UBE3D: variants seen among roughly 807,000 people sequenced by gnomAD.
UBE3D encodes the protein E3 ubiquitin-protein ligase E3D.
A neutral mutation model predicts 49.6 loss-of-function variants in UBE3D; 48 were observed. That is an observed-to-expected ratio of 0.97 (90% confidence interval 0.77 to 1.23). The LOEUF (loss-of-function observed/expected upper bound fraction) is 1.23. UBE3D is among the 50% of genes most tolerant of loss of function. The pLI is 0.00. For synonymous variants in UBE3D, 189 were observed against 174.2 expected (o/e 1.08, Z -0.67); for missense variants, 452 against 468.4 (o/e 0.96, Z 0.32).
intron 9 of UBE3D, among the ~76,000 whole-genome samples, chr6:82,944,793 G>A (rs896942042): frequency 2.0e-5 from 3 of 152,174 alleles, no homozygotes; most frequent in South Asian, 4.1e-4. Flanking sequence ...AAGTGCCCTT[G>A]GGCCTCATGT....
intron 8 of UBE3D, among the ~76,000 whole-genome samples, chr6:82,980,982 A>G (rs1425758500): frequency 2.0e-5 from 3 of 152,016 alleles, no homozygotes; most frequent in East Asian, 3.9e-4. Context: ...GAGTTTCCTT[A>G]CTATTCCTGT....
In UBE3D at chr6:82,935,887, C is replaced by T. The variant is rs572259455; in HGVS notation, c.1149+21425G>A. 2.6e-5 allele frequency among the ~76,000 whole-genome samples: 4 copies of T among 151,358 alleles called. No individual in the cohort carries two copies. The South Asian group carries it at 8.3e-4, about 32-fold the overall frequency. On this transcript the variant is annotated intron_variant, in intron 9 of 9. Coordinates refer to ENST00000369747, the MANE Select transcript of UBE3D (RefSeq NM_198920.3). ...ACTAAGAGAGTTTCCCATTCACAAACTATCAGTGACAGGAATACTACAGGA... is the reference window on the plus strand; with the variant it reads ...ACTAAGAGAGTTTCCCATTCACAAATTATCAGTGACAGGAATACTACAGGA...
chr6:82,964,585 C>T (rs1460841921), intron 8 of UBE3D, among the ~76,000 whole-genome samples: 1 of 152,112 alleles, frequency 6.6e-6, no homozygotes, highest in Non-Finnish European at 1.5e-5. Flanking sequence ...GTTGCTTATA[C>T]CTGTAAATTT....
At chr6:82,997,839 C>T (rs1422029393) in intron 8 of UBE3D, among the ~76,000 whole-genome samples, 1 of 152,184 alleles carries the variant, frequency 6.6e-6, no homozygotes, top group East Asian at 1.9e-4. Context: ...AACCTGGTTA[C>T]AGTGGTTATA....
chr6:83,018,093 G>C (rs1474224922), intron 8 of UBE3D: 1 of 152,026 alleles, frequency 6.6e-6, no homozygotes. Context: ...TTTATGACTG[G>C]TACTACTTGC....
At chr6:82,948,868 C>A (rs1335254920) in intron 9 of UBE3D, among the ~76,000 whole-genome samples, 1 of 147,386 alleles carries the variant, frequency 6.8e-6, no homozygotes, top group Admixed American at 6.7e-5. Flanking sequence ...AAGGAACATA[C>A]CTCAACACAA....
At chr6:83,031,472 T>C (rs1170011211) in intron 5 of UBE3D, among the ~76,000 whole-genome samples, 1 of 152,196 alleles carries the variant, frequency 6.6e-6, no homozygotes, top group Non-Finnish European at 1.5e-5. Flanking sequence ...ATGTGAAACA[T>C]GAAGTCAAAG....
rs535512679 is a variant in UBE3D, at chr6:82,949,945, T to C, written c.1149+7367A>G. On this transcript the variant is annotated intron_variant, in intron 9 of 9. Coordinates refer to ENST00000369747, the MANE Select transcript of UBE3D (RefSeq NM_198920.3). ...AACATTGGGGAAACTCTCTAGGACA[T>C]TGAATTGGGCAAAGATTTCTTGAGT... 4.6e-5 allele frequency among the ~76,000 whole-genome samples: 7 copies of C among 152,278 alleles called. No homozygotes were observed. The South Asian group carries it at 8.3e-4, about 18-fold the overall frequency.
At position 82,944,968 on chromosome 6, in the gene UBE3D, G is replaced by A. The variant is rs142999137; in HGVS notation, c.1149+12344C>T. On this transcript the variant is annotated intron_variant, in intron 9 of 9. Coordinates refer to ENST00000369747, the MANE Select transcript of UBE3D (RefSeq NM_198920.3). The stretch of plus-strand genomic sequence containing the variant: ...ATTAGAATAGAATGCCAAGTAGACT[G>A]CTAAGGTTTTTAACTCTAGCCCATA... Among the ~76,000 whole-genome samples the A allele has an allele frequency of 1.8e-3, 270 of 152,330 alleles. 2 individuals carry two copies. Among genetic ancestry groups the A allele is most frequent in the African/African-American group, 6.0e-3 (249 of 41,576 alleles).
At chr6:83,020,746 T>C (rs1242975597) in intron 7 of UBE3D, among the ~76,000 whole-genome samples, 1 of 152,206 alleles carries the variant, frequency 6.6e-6, no homozygotes, top group East Asian at 1.9e-4. Context: ...AGTGTCCCCA[T>C]AATGGATGGC....
intron 8 of UBE3D, among the ~76,000 whole-genome samples, chr6:83,000,633 T>C (rs1025039746): frequency 6.6e-6 from 1 of 152,216 alleles, no homozygotes; most frequent in Non-Finnish European, 1.5e-5. Flanking sequence ...GTTCTTATTG[T>C]TCTTAGGATA....
intron 5 of UBE3D, among the ~76,000 whole-genome samples, chr6:83,035,704 C>T (rs1199073222): frequency 6.6e-6 from 1 of 152,196 alleles, no homozygotes; most frequent in African/African-American, 2.4e-5. Context: ...CTATTAATTA[C>T]AGTGGGTACT....
intron 6 of UBE3D, among the ~76,000 whole-genome samples, chr6:83,023,571 A>T (rs1187788799): frequency 6.6e-6 from 1 of 152,246 alleles, no homozygotes; most frequent in African/African-American, 2.4e-5. Context: ...GAACGAAATA[A>T]TGGCATTCAC....
At chr6:83,020,352 T>TTTTTGTTTTTTG (rs1216681938) in intron 7 of UBE3D, among the ~76,000 whole-genome samples, 1 of 150,400 alleles carries the variant, frequency 6.6e-6, no homozygotes, top group African/African-American at 2.5e-5. Context: ...TTTTTTTTTT[T>TTTTTGTTTTTTG]TTTTTTACAA....
chr6:82,887,403 T>G (rs1247116988), downstream of UBE3D, among the ~76,000 whole-genome samples: 204 of 146,842 alleles, frequency 1.4e-3, 3 homozygotes, highest in African/African-American at 4.7e-3. Context: ...TTTTTTTTTT[T>G]TTTTTTTTTC....
intron 9 of UBE3D, among the ~76,000 whole-genome samples, chr6:82,899,416 G>A (rs1011334311): frequency 2.0e-5 from 3 of 152,170 alleles, no homozygotes; most frequent in Admixed American, 1.3e-4. Flanking sequence ...GTGGGTGTCC[G>A]TAAATTAAAC....
intron 9 of UBE3D, among the ~76,000 whole-genome samples, chr6:82,918,845 C>G (rs1773113419): frequency 6.6e-6 from 1 of 151,936 alleles, no homozygotes; most frequent in Non-Finnish European, 1.5e-5. Context: ...CCTAATTCCT[C>G]TTTACCTGCA....
At chr6:82,992,149 T>A (rs1184794215) in intron 8 of UBE3D, among the ~76,000 whole-genome samples, 1 of 151,794 alleles carries the variant, frequency 6.6e-6, no homozygotes, top group Non-Finnish European at 1.5e-5. Context: ...ATAGGTCATG[T>A]CTCTAAGGTA....
chr6:83,052,742 G>A (rs1189143782), intron 3 of UBE3D, among the ~76,000 whole-genome samples: 1 of 152,100 alleles, frequency 6.6e-6, no homozygotes, highest in African/African-American at 2.4e-5. Context: ...TCCTAATGTA[G>A]CATGTTTCTG....
Sources: gnomAD v4.1 joint callset for allele counts (sites outside exome capture counted in the v4.1 genomes callset) on GRCh38, gnomAD v4.1.1 for gene constraint, MANE v1.5 for transcripts, NCBI Gene and HGNC (gene_info 2026-07-23, HGNC 2026-07-21) for gene names.